The following ADAMTS7 variants were observed in gnomAD, a reference collection of about 807,000 sequenced individuals.
The protein encoded by ADAMTS7 is ADAM metallopeptidase with thrombospondin type 1 motif 7.
ADAMTS7 carries 89 observed loss-of-function variants against 172.6 expected under a neutral mutation model. The observed-to-expected ratio is 0.52, with a 90% CI of 0.43 to 0.61. ADAMTS7 has a LOEUF of 0.61. Ranked by LOEUF, ADAMTS7 falls within the 20% of genes least tolerant of loss-of-function variation. The pLI is 0.00. For synonymous variants in ADAMTS7, 885 were observed against 978.4 expected (o/e 0.90, Z 1.78); for missense variants, 1,973 against 2,355.6 (o/e 0.84, Z 3.36).
In ADAMTS7 at chr15:78,759,494, T is replaced by C; in HGVS notation, c.4988A>G (p.Gln1663Arg). 6.3e-7 allele frequency: 1 copy of C among 1,597,502 alleles called. No homozygotes were observed. The highest frequency in any genetic ancestry group is 8.5e-7 in the Non-Finnish European group (1 of 1,177,432). Residue 1663 changes from glutamine to arginine, a missense_variant, in exon 24 of 24, where the codon CAG becomes CGG. Physicochemically the swap from Gln to Arg is conservative, Grantham distance 43. Coordinates refer to ENST00000388820, the MANE Select transcript of ADAMTS7 (RefSeq NM_014272.5). ...GRCQLPTIRT[Q>R]CCRSCSPPSH... ...GGGCGGAGAGCACGAGCGGCAGCAC[T>C]GGGTGCGGATGGTGGGCAGCTGGCA...
intron 8 of ADAMTS7, among the ~76,000 whole-genome samples, chr15:78,782,172 A>G (rs1439662689): frequency 6.6e-6 from 1 of 152,044 alleles, no homozygotes; most frequent in African/African-American, 2.4e-5. Flanking sequence ...CTGGGATTAT[A>G]GGCGTGCACC....
chr15:78,766,577 G>A lies in ADAMTS7; in HGVS notation c.3334C>T (p.Pro1112Ser). The A allele has an allele frequency of 6.2e-7, 1 of 1,604,616 alleles. No homozygotes were observed. The highest frequency in any genetic ancestry group is 2.2e-5 in the East Asian group (1 of 44,856). Reference sequence around the variant, plus strand: ...TTGGCTGCAGGAGGCTCTGTGGCAGGCACGGGGCTACCCGTGGAGGGCGCA... The same window carrying A: ...TTGGCTGCAGGAGGCTCTGTGGCAGACACGGGGCTACCCGTGGAGGGCGCA... ...PAAPSTGSPV[P>S]ATEPPAAKEE... is the part of the protein sequence containing the mutation. Residue 1112 changes from proline (P) to serine (S), a missense_variant, in exon 19 of 24, where the codon CCT becomes TCT. By Grantham distance (74) the Pro-to-Ser change is moderately conservative. This residue lies in a region of ADAMTS7 where 771 missense variants were observed against 952.6 expected (regional missense o/e 0.81). Transcript: ENST00000388820.
chr15:78,790,983 G>C lies in ADAMTS7; in HGVS notation c.903+157C>G, dbSNP rs542423137. On this transcript the variant is annotated intron_variant, in intron 5 of 23. Transcript: ENST00000388820. ...CCTGCAGAGGACCTGGGACCTGAGA[G>C]AGGGTCAGTCAGGAACCAGGGGGTG... Among the ~76,000 whole-genome samples the C allele has an allele frequency of 6.6e-5, 10 of 152,328 alleles. No homozygotes were observed. The South Asian group carries it at 2.1e-3, about 32-fold the overall frequency.
intron 4 of ADAMTS7, among the ~76,000 whole-genome samples, chr15:78,792,604 C>T (rs993573643): frequency 3.9e-5 from 6 of 152,226 alleles, no homozygotes; most frequent in African/African-American, 1.4e-4. Context: ...CCTCTGAGGT[C>T]AGGAGTTCGA....
rs569992385 is a variant in ADAMTS7 at position 78,800,185 on chromosome 15, C to G, written c.456+7G>C. 859 of 1,591,478 alleles carry G rather than the reference C, an allele frequency of 5.4e-4. 11 individuals carry two copies. The South Asian group carries it at 8.4e-3, about 16-fold the overall frequency. ...TGCCCCAAGTATACATGTCCCAGCT[C>G]ACTCACCAGGCCGTCGCAGGCGCTG... On this transcript the variant is annotated splice_region_variant and intron_variant, in intron 2 of 23. Coordinates refer to ENST00000388820, the MANE Select transcript of ADAMTS7 (RefSeq NM_014272.5).
At chr15:78,794,363 C>G (rs929911930) in intron 4 of ADAMTS7, among the ~76,000 whole-genome samples, 4 of 152,236 alleles carry the variant, frequency 2.6e-5, no homozygotes, top group African/African-American at 9.6e-5. Context: ...GGCCTTAGGC[C>G]GTGGCTCCAC....
intron 1 of ADAMTS7, among the ~76,000 whole-genome samples, chr15:78,802,262 G>GT (rs2055735461): frequency 6.6e-6 from 1 of 152,196 alleles, no homozygotes; most frequent in South Asian, 2.1e-4. Flanking sequence ...CGATGCTGTC[G>GT]TGAGGATTAA....
At chr15:78,760,488 C>T (rs1481085488) in intron 23 of ADAMTS7, among the ~76,000 whole-genome samples, 1 of 152,038 alleles carries the variant, frequency 6.6e-6, no homozygotes, top group Non-Finnish European at 1.5e-5. Context: ...GCTCCTCCAC[C>T]CCAGCTCCAG....
intron 8 of ADAMTS7, among the ~76,000 whole-genome samples, chr15:78,786,626 C>CT (rs1453885852): frequency 6.6e-6 from 1 of 152,190 alleles, no homozygotes; most frequent in East Asian, 1.9e-4. Context: ...ACAGTTCCTT[C>CT]TCCTTTCAGT....
chr15:78,781,880 T>C (rs1360689221), intron 8 of ADAMTS7, among the ~76,000 whole-genome samples: 6 of 152,260 alleles, frequency 3.9e-5, no homozygotes, highest in East Asian at 1.9e-4. Context: ...ATGCTTACTG[T>C]GTGGCAGGCA....
intron 12 of ADAMTS7, 149 bp downstream of exon 12, chr15:78,774,475 C>G: frequency 7.2e-7 from 1 of 1,385,626 alleles, no homozygotes; most frequent in South Asian, 1.4e-5. Flanking sequence ...GACTGGGGAG[C>G]TAGGGGCGAG....
intron 23 of ADAMTS7, among the ~76,000 whole-genome samples, chr15:78,760,319 TG>T (rs2055022752): frequency 6.6e-6 from 1 of 152,184 alleles, no homozygotes; most frequent in Non-Finnish European, 1.5e-5. Context: ...CTCCTGGCCT[TG>T]CTCCTGATGC....
rs2055342957 is a variant in ADAMTS7 at position 78,776,261 on chromosome 15, T to C, written c.1633A>G (p.Ser545Gly). ...EAVDGGWSGW[S>G]AWSICSRSCG... ...CTCCGTGAGCAGATGGACCAGGCGC[T>C]CCAGCCAGACCAGCCACCATCCACG... Residue 545 changes from serine (S) to glycine (G), a missense_variant, in exon 11 of 24, where the codon AGC (serine) becomes GGC (glycine). Ser to Gly is a moderately conservative substitution (Grantham distance 56). Coordinates refer to ENST00000388820, the MANE Select transcript of ADAMTS7 (RefSeq NM_014272.5). 3 of 1,611,672 alleles carry C rather than the reference T, an allele frequency of 1.9e-6. No individual in the cohort carries two copies. Among genetic ancestry groups the C allele is most frequent in the Non-Finnish European group, 2.5e-6 (3 of 1,179,830 alleles).
Position 78,771,556 on chromosome 15 carries a change from C to T in ADAMTS7, c.2376+29G>A, listed in dbSNP as rs751115834. ...GGGCCTGGGGACTCCGCCTCTGCTC[C>T]CCCCGCCTGGGCCACGGGAGGCAGG... On this transcript the variant is annotated intron_variant, in intron 15 of 23. Transcript: ENST00000388820. The surrounding 1 kb of genome is among the most constrained non-coding windows in gnomAD (Gnocchi z 4.9). 28 of 1,576,758 alleles carry T rather than the reference C, an allele frequency of 1.8e-5. No homozygotes were observed. The highest frequency in any genetic ancestry group is 2.3e-5 in the Non-Finnish European group (27 of 1,166,986).
At chr15:78,767,262 C>T in intron 18 of ADAMTS7, 117 bp downstream of exon 18, 1 of 1,339,966 alleles carries the variant, frequency 7.5e-7, no homozygotes, top group Non-Finnish European at 1.0e-6. Flanking sequence ...AGGGGCTGGA[C>T]CCTGGAATGC....
Position 78,776,234 on chromosome 15 carries a change from A to T in ADAMTS7, c.1660T>A (p.Cys554Ser). 6.2e-7 allele frequency: 1 copy of T among 1,611,656 alleles called. No individual in the cohort carries two copies. Among genetic ancestry groups the T allele is most frequent in the Non-Finnish European group, 8.5e-7 (1 of 1,179,830 alleles). The change falls in exon 11 of 24, where the codon TGT becomes AGT. Residue 554 changes from cysteine to serine, a missense_variant. This residue lies in a region of ADAMTS7 where 526 missense variants were observed against 662.9 expected (regional missense o/e 0.79). Transcript: ENST00000388820. ...TCGGCGCTCTGTACGCCCATGCCAC[A>T]GCTCCGTGAGCAGATGGACCAGGCG... The part of the protein sequence containing the change: ...WSAWSICSRS[C>S]GMGVQSAERQ...
rs373511961 is a variant in ADAMTS7, at chr15:78,791,118, G to C, written c.903+22C>G. The C allele has an allele frequency of 8.2e-5, 132 of 1,608,656 alleles. 1 individual carries two copies. The South Asian group carries it at 1.2e-3, about 15-fold the overall frequency. On this transcript the variant is annotated intron_variant, in intron 5 of 23. Coordinates refer to ENST00000388820, the MANE Select transcript of ADAMTS7 (RefSeq NM_014272.5). ...GCAGCCGAAGCCATTGCCGGGCAGC[G>C]TGGGACCACATGACCACTCACCTCC... is the stretch of plus-strand genomic sequence containing the variant.
rs749101011 is a variant in ADAMTS7, at chr15:78,767,028, G to C, written c.2883C>G (p.Gly961=). Residue 961 remains glycine (G), a synonymous_variant, in exon 19 of 24, where the codon GGC becomes GGG. Coordinates refer to ENST00000388820, the MANE Select transcript of ADAMTS7 (RefSeq NM_014272.5). ...TGCAGAGGACATTTCGGCGCTGAGT[G>C]CCCTCCCCACATGTCACTGAGCACT... ...WSQCSVTCGE[G]TQRRNVLCTN... 10 of 1,565,702 alleles carry C rather than the reference G, an allele frequency of 6.4e-6. No individual in the cohort carries two copies. Among genetic ancestry groups the C allele is most frequent in the South Asian group, 1.2e-5 (1 of 81,442 alleles).
intron 17 of ADAMTS7, 51 bp from the exon 18 acceptor site, chr15:78,767,643 C>A: frequency 2.0e-6 from 3 of 1,476,772 alleles, no homozygotes; most frequent in Non-Finnish European, 2.7e-6. Context: ...AGGTGGCCTG[C>A]AGGCTCACCA....
Sources: gnomAD v4.1 joint callset for allele counts (sites outside exome capture counted in the v4.1 genomes callset) on GRCh38, gnomAD v4.1.1 for gene constraint, gnomAD v4.1.1 regional missense constraint, Gnocchi (gnomAD v3.1) non-coding constraint, MANE v1.5 for transcripts, NCBI Gene and HGNC (gene_info 2026-07-23, HGNC 2026-07-21) for gene names.